Variants in RPL22 observed in about 807,000 individuals in gnomAD.
RPL22 encodes ribosomal protein L22.
Under a neutral mutation model 16.2 loss-of-function variants are expected in RPL22, and 4 were observed. The observed-to-expected ratio is 0.25, with a 90% CI of 0.12 to 0.57. The LOEUF (loss-of-function observed/expected upper bound fraction) is 0.57. Among genes scored for constraint, RPL22 ranks in the 20% least tolerant of loss-of-function variants. RPL22 has a pLI of 0.92. For missense variants in RPL22, 83 were observed against 156.1 expected (o/e 0.53, Z 2.49); for synonymous variants, 43 against 54.8 (o/e 0.78, Z 0.95).
At chr1:6,191,006 C>T (rs1353713221) in intron 3 of RPL22, among the ~76,000 whole-genome samples, 3 of 151,610 alleles carry the variant, frequency 2.0e-5, no homozygotes, top group Non-Finnish European at 4.4e-5. Flanking sequence ...GGTGGATCAC[C>T]TGAGGTCAGG....
chr1:6,191,082 G>A (rs1187052970), intron 3 of RPL22, among the ~76,000 whole-genome samples: 3 of 151,702 alleles, frequency 2.0e-5, no homozygotes, highest in Non-Finnish European at 4.4e-5. Context: ...TAATTAGGCC[G>A]GGCGCGGTGG....
intron 3 of RPL22, among the ~76,000 whole-genome samples, chr1:6,192,312 G>A (rs1667662562): frequency 6.6e-6 from 1 of 152,188 alleles, no homozygotes; most frequent in Non-Finnish European, 1.5e-5. Context: ...CTCCCAAAGT[G>A]CTGGGATTAC....
chr1:6,190,892 A>G (rs1667640855), intron 3 of RPL22, among the ~76,000 whole-genome samples: 1 of 152,218 alleles, frequency 6.6e-6, no homozygotes, highest in South Asian at 2.1e-4. Flanking sequence ...GTTCAGTGCC[A>G]AAGTAGCACT....
chr1:6,197,496 A>G (rs1667734889), intron 2 of RPL22, among the ~76,000 whole-genome samples, 156 bp downstream of exon 2: 1 of 152,226 alleles, frequency 6.6e-6, no homozygotes, highest in African/African-American at 2.4e-5. Context: ...CTTGGAAACA[A>G]ACAAGTAATC....
intron 1 of RPL22, 162 bp from the exon 2 acceptor site, chr1:6,197,918 TGC>T (rs1277468608): frequency 1.6e-6 from 1 of 636,888 alleles, no homozygotes; most frequent in Non-Finnish European, 2.8e-6. Flanking sequence ...ACTGCCTGAG[TGC>T]CAGAGGTATA....
rs1571183157 is a variant in RPL22, at chr1:6,185,670, C to T, written c.*1002G>A. On this transcript the variant is annotated 3_prime_UTR_variant, in exon 4 of 4. Coordinates refer to ENST00000234875, the MANE Select transcript of RPL22 (RefSeq NM_000983.4). ...CTGTTTGAATTTCAGAAGGGCACCA[C>T]AAGGCACCAGAGTCTTTCAAAGTCA... 1 of 302,030 alleles carries T rather than the reference C, an allele frequency of 3.3e-6. No homozygotes were observed. Among genetic ancestry groups the T allele is most frequent in the African/African-American group, 2.1e-5 (1 of 47,016 alleles). The allele number at this position is 302,030 out of a possible 1,614,324, so 18.7% of individuals were successfully genotyped here. A position where few individuals can be genotyped will look rare whatever the true frequency, so the allele number is the denominator to read the frequency against.
Position 6,197,633 on chromosome 1 carries a change from C to T in RPL22, c.117+19G>A, listed in dbSNP as rs372422001. 19 of 1,527,042 alleles carry T rather than the reference C, an allele frequency of 1.2e-5. No homozygotes were observed. The highest frequency in any genetic ancestry group is 1.7e-5 in the Non-Finnish European group (19 of 1,102,190). 94.6% of individuals were successfully genotyped at this position (1,527,042 alleles called of 1,614,324 possible). On this transcript the variant is annotated intron_variant, in intron 2 of 3. Coordinates refer to ENST00000234875, the MANE Select transcript of RPL22 (RefSeq NM_000983.4). ...AAAATGTTCGTGACCACCCGAGTGGCAATAAGGATGTAACTTACAAAATTG... is the reference window on the plus strand; with the variant it reads ...AAAATGTTCGTGACCACCCGAGTGGTAATAAGGATGTAACTTACAAAATTG...
Position 6,185,753 on chromosome 1 carries a change from C to G in RPL22, c.*919G>C, listed in dbSNP as rs1290012168. 2 of 240,726 alleles carry G rather than the reference C, an allele frequency of 8.3e-6. No homozygotes were observed. The highest frequency in any genetic ancestry group is 4.4e-5 in the African/African-American group (2 of 45,654). 14.9% of individuals were successfully genotyped at this position (240,726 alleles called of 1,614,324 possible). On this transcript the variant is annotated 3_prime_UTR_variant, in exon 4 of 4. Transcript: ENST00000234875. ...TTGGTAGCCCCTTTCAGTTGTCTAG[C>G]CTCTGCACTGTGGCACACCACTGAC... is the stretch of plus-strand genomic sequence containing the variant.
chr1:6,199,412 C>T (rs1667765752), intron 1 of RPL22, 150 bp downstream of exon 1: 1 of 1,391,226 alleles, frequency 7.2e-7, no homozygotes, highest in Non-Finnish European at 9.4e-7. Context: ...CTGGGATCGG[C>T]AGGGGCTCTG....
intron 3 of RPL22, among the ~76,000 whole-genome samples, chr1:6,189,282 C>A (rs1478172494): frequency 6.7e-6 from 1 of 148,976 alleles, no homozygotes; most frequent in Non-Finnish European, 1.5e-5. Flanking sequence ...TTCAACTGTC[C>A]ACTTTTTGCT....
rs114514884 is a variant in RPL22 at position 6,188,661 on chromosome 1, C to T, written c.243-1845G>A. 2.1e-3 allele frequency among the ~76,000 whole-genome samples: 324 copies of T among 152,186 alleles called. 3 individuals are homozygous for T. Among genetic ancestry groups the T allele is most frequent in the African/African-American group, 7.7e-3 (319 of 41,520 alleles). On this transcript the variant is annotated intron_variant, in intron 3 of 3. Coordinates refer to ENST00000234875, the MANE Select transcript of RPL22 (RefSeq NM_000983.4). ...AAGCCATAAAGAGGGAATTTCACAA[C>T]ACACAAACCCACAGCAGAGCCAATT...
intron 1 of RPL22, chr1:6,198,358 C>G (rs1452486297): frequency 6.6e-6 from 1 of 152,460 alleles, no homozygotes; most frequent in Non-Finnish European, 1.5e-5. Context: ...AATCTTATTA[C>G]AACACTACCG....
intron 2 of RPL22, among the ~76,000 whole-genome samples, chr1:6,195,183 C>T (rs781261363): frequency 8.4e-4 from 127 of 150,976 alleles, no homozygotes; most frequent in South Asian, 1.7e-3. Context: ...CGGTGGCTCA[C>T]GCCTGTAATC....
rs1421076074 is a variant in RPL22 at position 6,185,361 on chromosome 1, G to T, written c.*1311C>A. On this transcript the variant is annotated 3_prime_UTR_variant, in exon 4 of 4. Transcript: ENST00000234875. ...TGAAAGAAACTCTGCTTTCTGTGAC[G>T]GCAGAGAAGAAATATGCAAGCAATT... 13 of 398,902 alleles carry T rather than the reference G, an allele frequency of 3.3e-5. No homozygotes were observed. Among genetic ancestry groups the T allele is most frequent in the Non-Finnish European group, 5.3e-5 (12 of 226,068 alleles). The allele number at this position is 398,902 out of a possible 1,614,324, so 24.7% of individuals were successfully genotyped here.
At chr1:6,197,032 T>TTTTTG (rs58402635) in intron 2 of RPL22, among the ~76,000 whole-genome samples, 12,896 of 152,154 alleles carry the variant, frequency 0.085, 745 homozygotes, top group African/African-American at 0.17. Context: ...TCAGTAACTT[T>TTTTTG]TTTTGTTTTG....
intron 3 of RPL22, among the ~76,000 whole-genome samples, chr1:6,191,858 G>C (rs1667655281): frequency 6.6e-6 from 1 of 151,778 alleles, no homozygotes; most frequent in Non-Finnish European, 1.5e-5. Context: ...AATTAGCCAG[G>C]CGTGGTGGCA....
Position 6,185,312 on chromosome 1 carries a change from A to T in RPL22, c.*1360T>A, listed in dbSNP as rs951259900. On this transcript the variant is annotated 3_prime_UTR_variant, in exon 4 of 4. Transcript: ENST00000234875. Reference sequence around the variant, plus strand: ...TCATGGTTAAGGGACATTGCCAAAGAGCAACTGATGCCTCAGTGAAGTTTG... The same window carrying T: ...TCATGGTTAAGGGACATTGCCAAAGTGCAACTGATGCCTCAGTGAAGTTTG... 2.0e-5 allele frequency: 8 copies of T among 399,004 alleles called. No individual in the cohort carries two copies. The Admixed American group carries it at 2.2e-4, about 11-fold the overall frequency. 24.7% of individuals were successfully genotyped at this position (399,004 alleles called of 1,614,324 possible).
intron 3 of RPL22, among the ~76,000 whole-genome samples, chr1:6,190,753 C>T (rs1667639262): frequency 6.6e-6 from 1 of 152,198 alleles, no homozygotes; most frequent in Non-Finnish European, 1.5e-5. Context: ...TTAACCTCAT[C>T]CTCAAAAACC....
intron 3 of RPL22, among the ~76,000 whole-genome samples, chr1:6,191,393 C>T (rs1274372880): frequency 2.2e-5 from 3 of 136,070 alleles, no homozygotes; most frequent in African/African-American, 5.7e-5. Context: ...AGAGGCCGGG[C>T]GCAGTGGCTC....
Sources: gnomAD v4.1 joint callset for allele counts (sites outside exome capture counted in the v4.1 genomes callset) on GRCh38, gnomAD v4.1.1 for gene constraint, MANE v1.5 for transcripts, NCBI Gene and HGNC (gene_info 2026-07-23, HGNC 2026-07-21) for gene names.